SEC63: variants seen among roughly 807,000 people sequenced by gnomAD.
SEC63 encodes translocation protein SEC63 homolog.
Under a neutral mutation model 116.2 loss-of-function variants are expected in SEC63, and 56 were observed. The ratio of observed to expected loss-of-function variants is 0.48; its 90% confidence interval spans 0.39 to 0.60. The LOEUF (loss-of-function observed/expected upper bound fraction) is 0.60, where lower values mean the gene tolerates loss of function less well. Among genes scored for constraint, SEC63 ranks in the 20% least tolerant of loss-of-function variants. The pLI is 0.00. For synonymous variants in SEC63, 273 were observed against 294.6 expected (o/e 0.93, Z 0.75); for missense variants, 668 against 900.0 (o/e 0.74, Z 3.30).
At chr6:107,939,421 C>A (rs1209868452) in intron 1 of SEC63, among the ~76,000 whole-genome samples, 1 of 152,140 alleles carries the variant, frequency 6.6e-6, no homozygotes, top group Non-Finnish European at 1.5e-5. Flanking sequence ...TACCATGTAA[C>A]CTAATTGGCA....
intron 4 of SEC63, among the ~76,000 whole-genome samples, chr6:107,920,400 T>C (rs1583757068): frequency 8.6e-6 from 1 of 116,292 alleles, no homozygotes; most frequent in Non-Finnish European, 1.6e-5. Flanking sequence ...CAGTCCAGCC[T>C]GGGCGAAAGA....
chr6:107,925,623 A>G (rs1787658218), intron 2 of SEC63, among the ~76,000 whole-genome samples: 1 of 152,326 alleles, frequency 6.6e-6, no homozygotes, highest in East Asian at 1.9e-4. Context: ...GATTAACATT[A>G]CCAGCACTGG....
rs776610053 is a variant in SEC63, at chr6:107,867,895, A to G, written c.*3809T>C. The G allele has an allele frequency of 1.3e-5, 2 of 152,202 alleles. No individual in the cohort carries two copies. Among genetic ancestry groups the G allele is most frequent in the Admixed American group, 6.5e-5 (1 of 15,270 alleles). 9.4% of individuals were successfully genotyped at this position (152,202 alleles called of 1,614,324 possible). On this transcript the variant is annotated 3_prime_UTR_variant, in exon 21 of 21. Transcript: ENST00000369002. The stretch of plus-strand genomic sequence containing the variant: ...AAATAATCATCTTAATACTTCCTCA[A>G]TGGATTGATCATCTCCACGCCCCTG...
intron 16 of SEC63, among the ~76,000 whole-genome samples, chr6:107,892,106 A>G (rs1451657320): frequency 1.3e-5 from 2 of 152,298 alleles, no homozygotes; most frequent in African/African-American, 4.8e-5. Context: ...CTGTCTTCAG[A>G]GCTGCCAGGT....
At chr6:107,947,589 C>G (rs1472407842) in intron 1 of SEC63, among the ~76,000 whole-genome samples, 1 of 152,086 alleles carries the variant, frequency 6.6e-6, no homozygotes, top group Non-Finnish European at 1.5e-5. Context: ...AAATTCATCC[C>G]CATTCTTTTC....
At chr6:107,930,171 TTC>T (rs1787766631) in intron 1 of SEC63, 1 of 102,206 alleles carries the variant, frequency 9.8e-6, no homozygotes, top group Non-Finnish European at 2.0e-5. Context: ...TTGCAAAGTA[TTC>T]TTTTTTTTTT....
chr6:107,907,888 A>G (rs970319762), intron 8 of SEC63, among the ~76,000 whole-genome samples: 2 of 152,218 alleles, frequency 1.3e-5, no homozygotes, highest in African/African-American at 4.8e-5. Flanking sequence ...GTGTAAGGAT[A>G]CCACCCTCAG....
At chr6:107,909,344 T>G (rs1424224370) in intron 7 of SEC63, among the ~76,000 whole-genome samples, 1 of 147,164 alleles carries the variant, frequency 6.8e-6, no homozygotes, top group African/African-American at 2.5e-5. Context: ...ACTACTGCAC[T>G]CCATCCTAGG....
intron 2 of SEC63, among the ~76,000 whole-genome samples, chr6:107,926,459 C>T (rs1042225455): frequency 1.3e-5 from 2 of 152,114 alleles, no homozygotes; most frequent in African/African-American, 2.4e-5. Flanking sequence ...ACTGCAGCCT[C>T]GACCTCCCAG....
chr6:107,947,501 GA>G (rs1254246763), intron 1 of SEC63, among the ~76,000 whole-genome samples: 1 of 151,630 alleles, frequency 6.6e-6, no homozygotes, highest in Non-Finnish European at 1.5e-5. Context: ...CAGCCCAGGA[GA>G]TTGAGGTTGC....
chr6:107,929,229 C>A (rs1237640557), intron 2 of SEC63, among the ~76,000 whole-genome samples, 186 bp downstream of exon 2: 1 of 152,190 alleles, frequency 6.6e-6, no homozygotes, highest in Non-Finnish European at 1.5e-5. Context: ...ACAGTATACT[C>A]CCCTTCCTTT....
At chr6:107,954,602 A>T (rs539369238) in intron 1 of SEC63, 1 of 152,350 alleles carries the variant, frequency 6.6e-6, no homozygotes, top group Admixed American at 6.5e-5. Context: ...CCAAGACAGA[A>T]CATAACTATT....
At chr6:107,922,436 G>A (rs1787579911) in intron 3 of SEC63, among the ~76,000 whole-genome samples, 3 of 152,212 alleles carry the variant, frequency 2.0e-5, no homozygotes, top group Admixed American at 1.3e-4. Flanking sequence ...AACTCAGGAG[G>A]TAGAGGCTGC....
intron 18 of SEC63, chr6:107,880,881 A>C: frequency 2.5e-6 from 1 of 395,032 alleles, no homozygotes; most frequent in Non-Finnish European, 4.7e-6. Flanking sequence ...ACCATTACAC[A>C]TAACACTCAG....
chr6:107,874,605 A>AG (rs1410559423), intron 19 of SEC63, among the ~76,000 whole-genome samples: 1 of 151,824 alleles, frequency 6.6e-6, no homozygotes, highest in East Asian at 1.9e-4. Flanking sequence ...CAAAAAAAAA[A>AG]AAAAAAAAAA....
At chr6:107,876,789 T>G in intron 18 of SEC63, 127 bp from the exon 19 acceptor site, 1 of 665,502 alleles carries the variant, frequency 1.5e-6, no homozygotes, top group Non-Finnish European at 2.7e-6. Flanking sequence ...TGGTACAAAA[T>G]AGGTATTCAA....
chr6:107,931,648 C>T (rs1468246087), intron 1 of SEC63, among the ~76,000 whole-genome samples: 1 of 151,386 alleles, frequency 6.6e-6, no homozygotes, highest in African/African-American at 2.4e-5. Context: ...ACTCGGGAGG[C>T]TGAGGCAGCA....
rs780399091 is a variant in SEC63 at position 107,872,777 on chromosome 6, C to T, written c.2139+31G>A. ...GTATATTAAACATTTATACAGAAAA[C>T]TCTTATTTATTGAAGAGTCACTATT... On this transcript the variant is annotated intron_variant, in intron 20 of 20. Coordinates refer to ENST00000369002, the MANE Select transcript of SEC63 (RefSeq NM_007214.5). The T allele has an allele frequency of 5.7e-6, 7 of 1,234,046 alleles. No homozygotes were observed. In the South Asian group the frequency reaches 7.5e-5, roughly 13 times the overall value. 76.4% of individuals were successfully genotyped at this position (1,234,046 alleles called of 1,614,324 possible).
intron 13 of SEC63, among the ~76,000 whole-genome samples, chr6:107,900,730 C>A (rs981977527): frequency 6.6e-6 from 1 of 152,120 alleles, no homozygotes; most frequent in African/African-American, 2.4e-5. Flanking sequence ...AAAGAATGTT[C>A]TCATAATAGT....
Sources: gnomAD v4.1 joint callset for allele counts (sites outside exome capture counted in the v4.1 genomes callset) on GRCh38, gnomAD v4.1.1 for gene constraint, MANE v1.5 for transcripts, NCBI Gene and HGNC (gene_info 2026-07-23, HGNC 2026-07-21) for gene names.